EPHA6: variants seen among roughly 807,000 people sequenced by gnomAD.
EPHA6 encodes EPH receptor A6.
Under a neutral mutation model 112.0 loss-of-function variants are expected in EPHA6, and 50 were observed. The ratio of observed to expected loss-of-function variants is 0.45; its 90% CI spans 0.36 to 0.56. The LOEUF is 0.56. EPHA6 is among the 20% of genes least tolerant of loss of function. The pLI, the probability that EPHA6 is intolerant of heterozygous loss-of-function variation, is 0.00. For missense variants in EPHA6, 1,280 were observed against 1,417.4 expected (o/e 0.90, Z 1.56); for synonymous variants, 529 against 490.7 (o/e 1.08, Z -1.03).
Position 97,756,399 on chromosome 3 carries a change from C to CTA in EPHA6, c.*7700_*7701dup, listed in dbSNP as rs1174091217. 7.9e-5 allele frequency among the ~76,000 whole-genome samples: 12 copies of CTA among 151,984 alleles called. No individual in the cohort carries two copies. The highest frequency in any genetic ancestry group is 3.3e-4 in the Admixed American group (5 of 15,272). Reference sequence around the variant, plus strand: ...ATATCCATTGGTATATTATCAAGAGCTATTACTGCAATAACCTCAAAGTAT... The same window carrying CTA: ...ATATCCATTGGTATATTATCAAGAGCTATATTACTGCAATAACCTCAAAGTAT... On this transcript the variant is annotated 3_prime_UTR_variant, in exon 18 of 18. Transcript: ENST00000389672.
chr3:97,452,994 C>A (rs1251589178), intron 7 of EPHA6, among the ~76,000 whole-genome samples: 3 of 151,290 alleles, frequency 2.0e-5, no homozygotes, highest in African/African-American at 7.3e-5. Context: ...TAACAATAAT[C>A]CTGTTAAATT....
intron 5 of EPHA6, among the ~76,000 whole-genome samples, chr3:97,303,961 C>T (rs2108729183): frequency 6.6e-6 from 1 of 152,092 alleles, no homozygotes; most frequent in Non-Finnish European, 1.5e-5. Flanking sequence ...CCTTCACTTC[C>T]CTTGTTAGCT....
intron 5 of EPHA6, among the ~76,000 whole-genome samples, chr3:97,403,375 G>T (rs1281321631): frequency 1.3e-5 from 2 of 152,008 alleles, no homozygotes; most frequent in Non-Finnish European, 2.9e-5. Context: ...CCTCTTGGAG[G>T]CTATGTCTCC....
intron 3 of EPHA6, among the ~76,000 whole-genome samples, chr3:97,099,603 G>T (rs541727750): frequency 3.3e-5 from 5 of 151,892 alleles, no homozygotes; most frequent in African/African-American, 9.6e-5. Flanking sequence ...CGCCGAGTGG[G>T]ATCATGTGAC....
chr3:97,541,336 T>C (rs1560115991), intron 11 of EPHA6, among the ~76,000 whole-genome samples: 1 of 152,190 alleles, frequency 6.6e-6, no homozygotes, highest in African/African-American at 2.4e-5. Context: ...CTTCACTAAC[T>C]TTCCCCTGTA....
At chr3:97,328,874 G>T (rs1461201036) in intron 5 of EPHA6, among the ~76,000 whole-genome samples, 1 of 152,012 alleles carries the variant, frequency 6.6e-6, no homozygotes, top group Admixed American at 6.6e-5. Context: ...GTGCAGGTTT[G>T]TTACATATGT....
At chr3:97,511,666 T>G (rs1238674216) in intron 10 of EPHA6, among the ~76,000 whole-genome samples, 1 of 152,164 alleles carries the variant, frequency 6.6e-6, no homozygotes, top group Non-Finnish European at 1.5e-5. Context: ...TAGCATTGAA[T>G]GCCATATGAG....
chr3:97,203,854 G>A (rs1160839315), intron 3 of EPHA6, among the ~76,000 whole-genome samples: 1 of 152,118 alleles, frequency 6.6e-6, no homozygotes, highest in Non-Finnish European at 1.5e-5. Context: ...TTTTGCTTTA[G>A]AAAAATAATG....
At chr3:97,371,946 G>GT (rs2085082993) in intron 5 of EPHA6, among the ~76,000 whole-genome samples, 1 of 152,108 alleles carries the variant, frequency 6.6e-6, no homozygotes, top group Admixed American at 6.6e-5. Context: ...GGTCAGAACG[G>GT]TTGTCTGCTC....
chr3:97,510,977 T>G (rs1203032184), intron 10 of EPHA6, among the ~76,000 whole-genome samples: 1 of 152,230 alleles, frequency 6.6e-6, no homozygotes, highest in Non-Finnish European at 1.5e-5. Flanking sequence ...CCAGCAGCTT[T>G]GTTTACACTG....
At chr3:96,827,944 G>GTTA (rs2033774549) in intron 1 of EPHA6, among the ~76,000 whole-genome samples, 6 of 152,054 alleles carry the variant, frequency 3.9e-5, no homozygotes, top group Admixed American at 3.9e-4. Flanking sequence ...GGTTGCTTTA[G>GTTA]AGTGGCTAAG....
At chr3:97,307,650 CA>C in intron 5 of EPHA6, among the ~76,000 whole-genome samples, 1 of 149,120 alleles carries the variant, frequency 6.7e-6, no homozygotes, top group Non-Finnish European at 1.5e-5. Context: ...CTCTTAGAGT[CA>C]GATTTATGGC....
chr3:96,871,586 C>CT (rs199979192), intron 2 of EPHA6, among the ~76,000 whole-genome samples: 2,185 of 151,790 alleles, frequency 0.014, 59 homozygotes, highest in African/African-American at 0.05. Context: ...AGAATGAGTA[C>CT]TTTTTTCATT....
Position 97,680,154 on chromosome 3 carries a change from A to G in EPHA6, c.2785-40107A>G, listed in dbSNP as rs79386083. ...TCCTTCTATCCTGCTCAGATCTGCA[A>G]ACAACTCAAATACAAACGTAGTGGT... On this transcript the variant is annotated intron_variant, in intron 14 of 17. Coordinates refer to ENST00000389672, the MANE Select transcript of EPHA6 (RefSeq NM_001080448.3). Among the ~76,000 whole-genome samples, 1,451 of 152,282 alleles carry G rather than the reference A, an allele frequency of 9.5e-3. 20 individuals carry two copies. The highest frequency in any genetic ancestry group is 0.033 in the African/African-American group (1,384 of 41,572).
chr3:97,180,305 C>T (rs2076952768), intron 3 of EPHA6, among the ~76,000 whole-genome samples: 1 of 152,034 alleles, frequency 6.6e-6, no homozygotes, highest in South Asian at 2.1e-4. Context: ...TGGCCCAGGG[C>T]ATGTCCAGAA....
chr3:96,943,076 A>G (rs2041064321), intron 2 of EPHA6, among the ~76,000 whole-genome samples: 1 of 152,128 alleles, frequency 6.6e-6, no homozygotes, highest in Non-Finnish European at 1.5e-5. Flanking sequence ...GATGCCACAT[A>G]TGTGTGAGAT....
At chr3:97,336,124 A>G (rs1400879780) in intron 5 of EPHA6, among the ~76,000 whole-genome samples, 1 of 152,158 alleles carries the variant, frequency 6.6e-6, no homozygotes, top group African/African-American at 2.4e-5. Flanking sequence ...CTCCTAAAGC[A>G]CAATTTCTAA....
At position 96,926,877 on chromosome 3, in the gene EPHA6, G is replaced by T. The variant is rs753641447; in HGVS notation, c.450+59988G>T. ...AACTGTCAGTGGATCTACCATTCTGGGGTCTAAAGAACAGTGGCCCTATTG... is the reference window on the plus strand; with the variant it reads ...AACTGTCAGTGGATCTACCATTCTGTGGTCTAAAGAACAGTGGCCCTATTG... On this transcript the variant is annotated intron_variant, in intron 2 of 17. Coordinates refer to ENST00000389672, the MANE Select transcript of EPHA6 (RefSeq NM_001080448.3). Among the ~76,000 whole-genome samples the T allele has an allele frequency of 6.8e-4, 103 of 152,098 alleles. 1 individual carries two copies. The highest frequency in any genetic ancestry group is 4.9e-3 in the Admixed American group (75 of 15,270).
intron 14 of EPHA6, among the ~76,000 whole-genome samples, chr3:97,688,583 G>A (rs2032425277): frequency 9.1e-6 from 1 of 109,492 alleles, no homozygotes; most frequent in East Asian, 3.4e-4. Flanking sequence ...CATGGGGTGG[G>A]GGGAGGGGGG....
Sources: gnomAD v4.1 joint callset for allele counts (sites outside exome capture counted in the v4.1 genomes callset) on GRCh38, gnomAD v4.1.1 for gene constraint, MANE v1.5 for transcripts, NCBI Gene and HGNC (gene_info 2026-07-23, HGNC 2026-07-21) for gene names.